The following NTAN1 variants were observed in gnomAD, a reference collection of about 807,000 sequenced individuals.
NTAN1 encodes protein N-terminal asparagine amidohydrolase.
NTAN1 carries 32 observed loss-of-function variants against 41.9 expected under a neutral mutation model. The observed-to-expected ratio is 0.76, with a 90% CI of 0.58 to 1.03. The LOEUF (loss-of-function observed/expected upper bound fraction) is 1.03. Among genes scored for constraint, NTAN1 ranks in the 50% least tolerant of loss-of-function variants. The pLI, the probability that NTAN1 is intolerant of heterozygous loss-of-function variation, is 0.00. For missense variants in NTAN1, 377 were observed against 377.5 expected, an observed-to-expected ratio of 1.00 and a Z score of 0.01; for synonymous variants, 140 against 139.5, an observed-to-expected ratio of 1.00 and a Z score of -0.03.
At chr16:15,047,217 T>C in intron 4 of NTAN1, 1 of 530,072 alleles carries the variant, frequency 1.9e-6, no homozygotes, top group African/African-American at 1.9e-5. Context: ...AAGTCAAGCC[T>C]TCCATCTCAA....
chr16:15,048,761 C>A (rs1253942671), intron 1 of NTAN1, among the ~76,000 whole-genome samples: 1 of 151,978 alleles, frequency 6.6e-6, no homozygotes, highest in Non-Finnish European at 1.5e-5. Flanking sequence ...ATAGCTGGGA[C>A]TACAGGCTTG....
At position 15,041,199 on chromosome 16, in the gene NTAN1, A is replaced by G. The variant is rs958686129; in HGVS notation, c.488-78T>C. On this transcript the variant is annotated intron_variant, in intron 6 of 9. Coordinates refer to ENST00000287706, the MANE Select transcript of NTAN1 (RefSeq NM_173474.4). ...ATTTTTACTTTGTATAATAAAGGCG[A>G]AGGAGGAGCTCCTCGATGCAGAAAG... The G allele has an allele frequency of 5.2e-6, 5 of 960,334 alleles. No homozygotes were observed. In the African/African-American group the frequency reaches 6.5e-5, roughly 12 times the overall value. The allele number at this position is 960,334 out of a possible 1,614,324, so 59.5% of individuals were successfully genotyped here.
At chr16:15,047,619 G>A in intron 3 of NTAN1, 69 bp from the exon 4 acceptor site, 10 of 1,171,834 alleles carry the variant, frequency 8.5e-6, no homozygotes, top group Admixed American at 3.4e-5. Context: ...CCGAGACTCC[G>A]CCTGTCCCTC....
In NTAN1 at chr16:15,040,056, A is replaced by C; in HGVS notation, c.552T>G (p.Ile184Met). The stretch of plus-strand genomic sequence containing the variant: ...ATGCTCTGTAAATCTCTGCAGTCTT[A>C]ATGTTGACAGCTGTGAGGGACAACA... Reference protein sequence around the residue: ...FPVIYGIAVNIKTAEIYRASF... With the variant: ...FPVIYGIAVNMKTAEIYRASF... Residue 184 changes from isoleucine (I) to methionine (M), a missense_variant, in exon 8 of 10, where the codon ATT becomes ATG. Transcript: ENST00000287706. 1 of 1,598,296 alleles carries C rather than the reference A, an allele frequency of 6.3e-7. No individual in the cohort carries two copies. Among genetic ancestry groups the C allele is most frequent in the Non-Finnish European group, 8.6e-7 (1 of 1,166,132 alleles).
chr16:15,045,115 C>G (rs2043992642), intron 4 of NTAN1: 1 of 130,898 alleles, frequency 7.6e-6, no homozygotes, highest in Non-Finnish European at 1.6e-5. Flanking sequence ...CAGAGTAAGA[C>G]TCTATCTCAA....
chr16:15,040,164 G>A, intron 7 of NTAN1, 98 bp from the exon 8 acceptor site: 1 of 672,016 alleles, frequency 1.5e-6, no homozygotes, highest in South Asian at 1.9e-5. Flanking sequence ...GAGAAAGATA[G>A]GAAAGTGAAC....
intron 1 of NTAN1, among the ~76,000 whole-genome samples, chr16:15,052,670 C>G (rs1367123782): frequency 6.6e-6 from 1 of 152,078 alleles, no homozygotes; most frequent in African/African-American, 2.4e-5. Context: ...CCCATCTCTA[C>G]TAAAAATACA....
intron 1 of NTAN1, among the ~76,000 whole-genome samples, chr16:15,049,836 CTA>C (rs2044229036): frequency 1.3e-5 from 2 of 152,146 alleles, no homozygotes; most frequent in African/African-American, 2.4e-5. Flanking sequence ...GAAATGAAAA[CTA>C]TGGGAAAAAG....
In NTAN1 at chr16:15,047,971, G is replaced by A. The variant is rs749547698; in HGVS notation, c.184+26C>T. On this transcript the variant is annotated intron_variant, in intron 2 of 9. Transcript: ENST00000287706. ...ATATCCAATAGCCTTTTGGGATAAC[G>A]CCCAATTCACTGCTTCCTAACCTAC... The A allele has an allele frequency of 9.4e-6, 15 of 1,598,368 alleles. No individual in the cohort carries two copies. The East Asian group carries it at 1.1e-4, about 12-fold the overall frequency.
At chr16:15,048,780 C>T (rs2044182332) in intron 1 of NTAN1, among the ~76,000 whole-genome samples, 1 of 152,034 alleles carries the variant, frequency 6.6e-6, no homozygotes, top group African/African-American at 2.4e-5. Flanking sequence ...TGCACCACCA[C>T]ACCTGGCTGA....
intron 4 of NTAN1, among the ~76,000 whole-genome samples, chr16:15,046,697 CAAAAAAAAA>C (rs9331444): frequency 2.3e-5 from 1 of 43,620 alleles, no homozygotes; most frequent in Non-Finnish European, 3.9e-5. Flanking sequence ...CTGTCTCTAC[CAAAAAAAAA>C]AAAAAAAAAA....
At chr16:15,042,663 GATT>G (rs1220040401) in intron 5 of NTAN1, among the ~76,000 whole-genome samples, 1 of 152,120 alleles carries the variant, frequency 6.6e-6, no homozygotes, top group African/African-American at 2.4e-5. Context: ...GCACATTTCA[GATT>G]ATTTTCTTAG....
Position 15,037,866 on chromosome 16 carries a change from A to G in NTAN1, c.*165T>C. 1.9e-6 allele frequency: 1 copy of G among 536,940 alleles called. No homozygotes were observed. The highest frequency in any genetic ancestry group is 3.3e-5 in the South Asian group (1 of 30,256). 33.3% of individuals were successfully genotyped at this position (536,940 alleles called of 1,614,324 possible). On this transcript the variant is annotated 3_prime_UTR_variant, in exon 10 of 10. Coordinates refer to ENST00000287706, the MANE Select transcript of NTAN1 (RefSeq NM_173474.4). Reference sequence around the variant, plus strand: ...AGTCTCAACAAATGCCTTTGCCAAAATAAGGTTTTATTTTGAAAGTCATTT... The same window carrying G: ...AGTCTCAACAAATGCCTTTGCCAAAGTAAGGTTTTATTTTGAAAGTCATTT...
At chr16:15,048,739 T>G (rs1022121437) in intron 1 of NTAN1, among the ~76,000 whole-genome samples, 1 of 152,124 alleles carries the variant, frequency 6.6e-6, no homozygotes, top group Non-Finnish European at 1.5e-5. Flanking sequence ...TCCTACCACC[T>G]TAGCCTCCCA....
At position 15,053,909 on chromosome 16, in the gene NTAN1, C is replaced by T. The variant is rs2044395093; in HGVS notation, c.81+1982G>A. ...CCTGGGCCACAGAACAAAACTAAGTCTCAAAAAAACCAACCAACCAAACAA... is the reference window on the plus strand; with the variant it reads ...CCTGGGCCACAGAACAAAACTAAGTTTCAAAAAAACCAACCAACCAAACAA... On this transcript the variant is annotated intron_variant, in intron 1 of 9. Coordinates refer to ENST00000287706, the MANE Select transcript of NTAN1 (RefSeq NM_173474.4). Among the ~76,000 whole-genome samples the T allele has an allele frequency of 2.0e-5, 3 of 152,102 alleles. No individual in the cohort carries two copies. In the South Asian group the frequency reaches 6.2e-4, roughly 31 times the overall value.
At chr16:15,039,177 C>G (rs1317537939) in intron 8 of NTAN1, among the ~76,000 whole-genome samples, 2 of 152,192 alleles carry the variant, frequency 1.3e-5, no homozygotes, top group South Asian at 4.1e-4. Context: ...CCAAATTTGC[C>G]AATGGCAGCC....
At position 15,053,414 on chromosome 16, in the gene NTAN1, C is replaced by T. The variant is rs74958422; in HGVS notation, c.81+2477G>A. Reference sequence around the variant, plus strand: ...GGCTTCTAACTGTTGGTACTCCATACTCAGAACACATCGTTACATGAAAAA... The same window carrying T: ...GGCTTCTAACTGTTGGTACTCCATATTCAGAACACATCGTTACATGAAAAA... On this transcript the variant is annotated intron_variant, in intron 1 of 9. Coordinates refer to ENST00000287706, the MANE Select transcript of NTAN1 (RefSeq NM_173474.4). 9.0e-3 allele frequency among the ~76,000 whole-genome samples: 1,375 copies of T among 152,344 alleles called. 24 individuals are homozygous for T. The highest frequency in any genetic ancestry group is 0.032 in the African/African-American group (1,312 of 41,574).
intron 4 of NTAN1, chr16:15,044,854 C>T (rs1416515342): frequency 1.9e-5 from 3 of 157,874 alleles, no homozygotes; most frequent in Non-Finnish European, 2.8e-5. Flanking sequence ...GGCGCAGTGG[C>T]TCACGCCTGT....
chr16:15,041,930 T>C (rs1301789113), intron 5 of NTAN1, among the ~76,000 whole-genome samples: 2 of 152,206 alleles, frequency 1.3e-5, no homozygotes, highest in African/African-American at 4.8e-5. Flanking sequence ...CCTTCCCATT[T>C]TTCTCTTCAT....
Sources: allele counts gnomAD v4.1 joint callset (sites outside exome capture counted in the v4.1 genomes callset), GRCh38; gene constraint gnomAD v4.1.1; transcripts MANE v1.5; gene names NCBI Gene and HGNC (gene_info 2026-07-23, HGNC 2026-07-21).